The following PLPP3 variants were observed in gnomAD, a reference collection of about 807,000 sequenced individuals.
PLPP3 encodes the protein PAP2 beta.
In PLPP3, 6 loss-of-function variants were observed where a neutral mutation model predicts 29.6. The ratio of observed to expected loss-of-function variants is 0.20; its 90% CI spans 0.11 to 0.40. PLPP3 has a LOEUF of 0.40. PLPP3 is among the 10% of genes least tolerant of loss of function. The pLI is 1.00. For synonymous variants in PLPP3, 152 were observed against 159.7 expected (o/e 0.95, Z 0.36); for missense variants, 308 against 407.7 (o/e 0.76, Z 2.11).
At chr1:56,512,173 G>A in intron 4 of PLPP3, 21 bp from the exon 5 acceptor site, 1 of 1,560,266 alleles carries the variant, frequency 6.4e-7, no homozygotes, top group African/African-American at 1.4e-5. Context: ...GAGACAAAAA[G>A]GAACAGACAT....
intron 1 of PLPP3, among the ~76,000 whole-genome samples, chr1:56,568,877 G>A (rs556043011): frequency 4.6e-5 from 7 of 151,918 alleles, no homozygotes; most frequent in East Asian, 3.9e-4. Context: ...CACCCCACTC[G>A]GCCTCCCCAA....
At chr1:56,538,223 C>T (rs1645941192) in intron 1 of PLPP3, among the ~76,000 whole-genome samples, 1 of 152,168 alleles carries the variant, frequency 6.6e-6, no homozygotes, top group African/African-American at 2.4e-5. Flanking sequence ...CTCTGCTGCT[C>T]CTCTTCAGTA....
chr1:56,515,188 G>C (rs1557500091), intron 4 of PLPP3, among the ~76,000 whole-genome samples: 1 of 152,144 alleles, frequency 6.6e-6, no homozygotes, highest in Non-Finnish European at 1.5e-5. Flanking sequence ...GGTCCAGGTT[G>C]GTTGATAATG....
At chr1:56,559,938 C>T (rs1251228577) in intron 1 of PLPP3, among the ~76,000 whole-genome samples, 2 of 152,166 alleles carry the variant, frequency 1.3e-5, no homozygotes, top group African/African-American at 4.8e-5. Flanking sequence ...AACCATTCTG[C>T]TAAAGGGAAT....
chr1:56,572,043 GTTT>G (rs375576842), intron 1 of PLPP3, among the ~76,000 whole-genome samples: 291 of 85,040 alleles, frequency 3.4e-3, no homozygotes, highest in Admixed American at 9.0e-3. Context: ...ATCATTTCTG[GTTT>G]TTTTTTTTTT....
chr1:56,495,533 T>G lies in PLPP3; in HGVS notation c.*1018A>C, dbSNP rs1230003495. 1 of 152,772 alleles carries G rather than the reference T, an allele frequency of 6.5e-6. No homozygotes were observed. The highest frequency in any genetic ancestry group is 1.5e-5 in the Non-Finnish European group (1 of 68,106). 9.5% of individuals were successfully genotyped at this position (152,772 alleles called of 1,614,324 possible). On this transcript the variant is annotated 3_prime_UTR_variant, in exon 6 of 6. Transcript: ENST00000371250. ...TGTCATCCTGAAGGGTAACCTCTCA[T>G]GCATGAGACTGCCTGCTTCTCTGGC... is the stretch of plus-strand genomic sequence containing the variant.
At chr1:56,572,791 C>T (rs1646208307) in intron 1 of PLPP3, among the ~76,000 whole-genome samples, 1 of 152,156 alleles carries the variant, frequency 6.6e-6, no homozygotes. Flanking sequence ...CAACTTCATT[C>T]CTACCTGATA....
At chr1:56,525,309 T>C (rs1260204239) in intron 2 of PLPP3, among the ~76,000 whole-genome samples, 1 of 152,222 alleles carries the variant, frequency 6.6e-6, no homozygotes, top group Non-Finnish European at 1.5e-5. Flanking sequence ...TGTAGTACGA[T>C]GCCCTTCAGT....
intron 2 of PLPP3, among the ~76,000 whole-genome samples, chr1:56,533,022 T>C (rs1645900577): frequency 6.6e-6 from 1 of 151,434 alleles, no homozygotes; most frequent in African/African-American, 2.4e-5. Context: ...GGAAAAGACC[T>C]GGCCCCGTCT....
chr1:56,535,790 C>T (rs1645923059), intron 2 of PLPP3, among the ~76,000 whole-genome samples: 1 of 152,132 alleles, frequency 6.6e-6, no homozygotes, highest in Non-Finnish European at 1.5e-5. Context: ...GTCAGAAAAC[C>T]AGAACCATTC....
In PLPP3 at chr1:56,579,315, G is replaced by GGGCGCGCTGTTGT. The variant is rs1345988822; in HGVS notation, c.-312_-300dup. On this transcript the variant is annotated 5_prime_UTR_variant, in exon 1 of 6. Transcript: ENST00000371250. ...AACTTTTGCAGAGCTGCGCAGCTTG[G>GGGCGCGCTGTTGT]GGCGCGCTGTTGTGGCGCGCGTCTG... The GGGCGCGCTGTTGT allele has an allele frequency of 1.4e-5, 5 of 355,110 alleles. No individual in the cohort carries two copies. Among genetic ancestry groups the GGGCGCGCTGTTGT allele is most frequent in the Non-Finnish European group, 2.0e-5 (4 of 196,670 alleles). 22.0% of individuals were successfully genotyped at this position (355,110 alleles called of 1,614,324 possible). A position where few individuals can be genotyped will look rare whatever the true frequency, so the allele number is the denominator to read the frequency against.
At chr1:56,501,751 A>G (rs182665006) in intron 5 of PLPP3, among the ~76,000 whole-genome samples, 1 of 152,328 alleles carries the variant, frequency 6.6e-6, no homozygotes, top group East Asian at 1.9e-4. Flanking sequence ...ACCGTGATGA[A>G]GAGATAAAAC....
intron 4 of PLPP3, among the ~76,000 whole-genome samples, chr1:56,518,715 T>TATATATATATATATATATA (rs1645798825): frequency 7.9e-6 from 1 of 126,670 alleles, no homozygotes; most frequent in Non-Finnish European, 1.7e-5. Flanking sequence ...TTTTAATCAT[T>TATATATATATATATATATA]TATATATATA....
intron 4 of PLPP3, among the ~76,000 whole-genome samples, chr1:56,518,551 G>C (rs1645797564): frequency 6.6e-6 from 1 of 152,100 alleles, no homozygotes; most frequent in South Asian, 2.1e-4. Flanking sequence ...AAAGGCGGAT[G>C]GCCCGAGTGT....
intron 4 of PLPP3, among the ~76,000 whole-genome samples, chr1:56,522,053 C>T (rs1353104580): frequency 6.6e-6 from 1 of 152,156 alleles, no homozygotes; most frequent in Admixed American, 6.5e-5. Flanking sequence ...TTTTGTAGCA[C>T]AGTACAATGA....
intron 1 of PLPP3, among the ~76,000 whole-genome samples, chr1:56,567,812 A>G (rs1251330865): frequency 6.6e-6 from 1 of 152,240 alleles, no homozygotes; most frequent in Admixed American, 6.5e-5. Context: ...CTAGGTATAC[A>G]GACCCAAGAG....
chr1:56,543,015 C>CAAAAA (rs397737077), intron 1 of PLPP3, among the ~76,000 whole-genome samples: 4 of 133,438 alleles, frequency 3.0e-5, no homozygotes, highest in Non-Finnish European at 6.6e-5. Context: ...GATCTTGTTT[C>CAAAAA]AAAAAAAAAA....
At chr1:56,503,612 C>A (rs1645682954) in intron 5 of PLPP3, among the ~76,000 whole-genome samples, 1 of 152,126 alleles carries the variant, frequency 6.6e-6, no homozygotes, top group Non-Finnish European at 1.5e-5. Context: ...TCACTTGAAC[C>A]TGGGAGATGG....
chr1:56,532,337 C>T (rs1317175778), intron 2 of PLPP3, among the ~76,000 whole-genome samples: 1 of 152,134 alleles, frequency 6.6e-6, no homozygotes, highest in African/African-American at 2.4e-5. Flanking sequence ...AACTGGGGGA[C>T]TGGGTCTCCC....
Sources: gnomAD v4.1 joint callset for allele counts (sites outside exome capture counted in the v4.1 genomes callset) on GRCh38, gnomAD v4.1.1 for gene constraint, MANE v1.5 for transcripts, NCBI Gene and HGNC (gene_info 2026-07-23, HGNC 2026-07-21) for gene names.